The following PSCA variants were observed in gnomAD, a reference collection of about 807,000 sequenced individuals.
PSCA encodes prostate stem cell antigen.
In PSCA, 7 loss-of-function variants were observed where a neutral mutation model predicts 7.9. That is an observed-to-expected ratio of 0.89 (90% CI 0.51 to 1.67). The LOEUF is 1.67. PSCA is among the 40% of genes most tolerant of loss of function. PSCA has a pLI of 0.00. For missense variants in PSCA, 151 were observed against 147.9 expected (o/e 1.02, Z -0.11); for synonymous variants, 61 against 68.3 (o/e 0.89, Z 0.53).
chr8:142,680,952 G>A, intron 1 of PSCA: 1 of 464,280 alleles, frequency 2.2e-6, no homozygotes, highest in Non-Finnish European at 3.9e-6. Flanking sequence ...GGAGGTGCTG[G>A]GGGTGTCCTG....
intron 1 of PSCA, among the ~76,000 whole-genome samples, chr8:142,675,190 C>CT (rs1366906657): frequency 1.8e-4 from 27 of 152,314 alleles, no homozygotes; most frequent in African/African-American, 6.5e-4. Context: ...CCTCCCCAGT[C>CT]TGAGTTCACT....
intron 1 of PSCA, among the ~76,000 whole-genome samples, chr8:142,671,360 CAG>C (rs1359528743): frequency 2.6e-5 from 4 of 152,186 alleles, no homozygotes; most frequent in Non-Finnish European, 5.9e-5. Flanking sequence ...GACAAGGAAA[CAG>C]GGCCTCTCCT....
upstream of PSCA, chr8:142,676,008 G>A (rs1413970792): frequency 1.3e-5 from 2 of 152,394 alleles, no homozygotes; most frequent in East Asian, 3.9e-4. Flanking sequence ...GCCCCAGAAG[G>A]TGGTGGTGGG....
chr8:142,681,973 G>C lies in PSCA; in HGVS notation c.186G>C (p.Val62=). 6.2e-7 allele frequency: 1 copy of C among 1,604,756 alleles called. No homozygotes were observed. The highest frequency in any genetic ancestry group is 2.2e-5 in the East Asian group (1 of 44,610). Residue 62 remains valine, a synonymous_variant, in exon 3 of 3, where the codon GTG becomes GTC. Coordinates refer to ENST00000301258, the MANE Select transcript of PSCA (RefSeq NM_005672.5). ...VISKGCSLNC[V]DDSQDYYVGK... ...GCAAAGGCTGCAGCTTGAACTGCGT[G>C]GATGACTCACAGGACTACTACGTGG...
At chr8:142,674,474 T>C (rs1472079790) in intron 1 of PSCA, among the ~76,000 whole-genome samples, 2 of 152,266 alleles carry the variant, frequency 1.3e-5, no homozygotes, top group Non-Finnish European at 2.9e-5. Flanking sequence ...ATCTTCCTCA[T>C]GCAGTGGTGG....
At chr8:142,676,016 G>A (rs1847397069), upstream of PSCA, 1 of 152,236 alleles carries the variant, frequency 6.6e-6, no homozygotes, top group Non-Finnish European at 1.5e-5. Context: ...AGGTGGTGGT[G>A]GGACTCCCTG....
chr8:142,676,456 T>C (rs1372029940), upstream of PSCA: 1 of 152,278 alleles, frequency 6.6e-6, no homozygotes, highest in Non-Finnish European at 1.5e-5. Flanking sequence ...TGTGACTGCT[T>C]ACCACCTCAG....
intron 1 of PSCA, among the ~76,000 whole-genome samples, chr8:142,674,520 G>A (rs907517967): frequency 3.9e-5 from 6 of 152,238 alleles, no homozygotes; most frequent in Non-Finnish European, 8.8e-5. Context: ...CTGAGTTTTG[G>A]AAAAGGGCTG....
intron 1 of PSCA, chr8:142,680,832 A>AG: frequency 1.7e-6 from 1 of 577,058 alleles, no homozygotes; most frequent in Non-Finnish European, 3.1e-6. Context: ...CCTGGCTCCT[A>AG]GGGGGCAGGT....
rs1011678168 is a variant in PSCA at position 142,682,400 on chromosome 8, A to C, written c.*268A>C. The C allele has an allele frequency of 1.5e-6, 1 of 689,540 alleles. No individual in the cohort carries two copies. Among genetic ancestry groups the C allele is most frequent in the East Asian group, 2.7e-5 (1 of 36,396 alleles). 42.7% of individuals were successfully genotyped at this position (689,540 alleles called of 1,614,324 possible). A position where few individuals can be genotyped will look rare whatever the true frequency, so the allele number is the denominator to read the frequency against. ...CTCTCTGCTGCTGTTTCCATGGCCC[A>C]GCATTCTCCACCCTTAACCCTGTGC... On this transcript the variant is annotated 3_prime_UTR_variant, in exon 3 of 3. Coordinates refer to ENST00000301258, the MANE Select transcript of PSCA (RefSeq NM_005672.5).
upstream of PSCA, among the ~76,000 whole-genome samples, chr8:142,677,101 C>T (rs587758316): frequency 6.6e-6 from 1 of 152,300 alleles, no homozygotes; most frequent in Admixed American, 6.5e-5. Flanking sequence ...CAGGGTGGGG[C>T]CGTAACCAGG....
upstream of PSCA, among the ~76,000 whole-genome samples, chr8:142,678,800 C>T (rs961122579): frequency 7.9e-5 from 12 of 151,804 alleles, no homozygotes; most frequent in Non-Finnish European, 1.6e-4. Context: ...CCTGGGCCTG[C>T]TCTAGAGGAC....
chr8:142,671,807 C>T (rs1355431165), intron 1 of PSCA, among the ~76,000 whole-genome samples: 1 of 152,168 alleles, frequency 6.6e-6, no homozygotes, highest in East Asian at 1.9e-4. Context: ...GCTGGGATTC[C>T]AGGCACGAGC....
upstream of PSCA, among the ~76,000 whole-genome samples, chr8:142,677,205 G>C (rs1283531027): frequency 2.0e-5 from 3 of 152,164 alleles, no homozygotes; most frequent in Admixed American, 6.5e-5. Context: ...TCAGGGGTGG[G>C]GCTCTAGGAA....
intron 1 of PSCA, 187 bp downstream of exon 1, chr8:142,680,750 C>T: frequency 1.4e-6 from 1 of 718,760 alleles, no homozygotes; most frequent in Non-Finnish European, 2.3e-6. Context: ...CGACCTGTTC[C>T]CTGCCGTCCC....
At chr8:142,671,820 A>C (rs757881702) in intron 1 of PSCA, among the ~76,000 whole-genome samples, 1 of 152,120 alleles carries the variant, frequency 6.6e-6, no homozygotes, top group East Asian at 1.9e-4. Context: ...GCACGAGCCC[A>C]TGTGCCAGCT....
At chr8:142,681,682 C>T in intron 2 of PSCA, 1 of 606,066 alleles carries the variant, frequency 1.6e-6, no homozygotes, top group South Asian at 2.0e-5. Context: ...CCTCCCCATC[C>T]CTGAGCTCAC....
upstream of PSCA, among the ~76,000 whole-genome samples, chr8:142,675,673 ACACT>A (rs1469114250): frequency 9.2e-5 from 14 of 152,268 alleles, no homozygotes; most frequent in East Asian, 7.7e-4. Flanking sequence ...ACTCTCACAC[ACACT>A]ATGTGGCACA....
upstream of PSCA, among the ~76,000 whole-genome samples, chr8:142,676,819 A>G (rs116068835): frequency 6.0e-3 from 914 of 152,322 alleles, 11 homozygotes; most frequent in African/African-American, 0.021. Flanking sequence ...CTGGAGTTTT[A>G]TTATCACTCA....
Sources: gnomAD v4.1 joint callset for allele counts (sites outside exome capture counted in the v4.1 genomes callset) on GRCh38, gnomAD v4.1.1 for gene constraint, MANE v1.5 for transcripts, NCBI Gene and HGNC (gene_info 2026-07-23, HGNC 2026-07-21) for gene names.